INSYN2B: variants seen among roughly 807,000 people sequenced by gnomAD.
INSYN2B encodes the protein protein INSYN2B.
INSYN2B carries 16 observed loss-of-function variants against 41.2 expected under a neutral mutation model. The observed-to-expected ratio is 0.39, with a 90% CI of 0.26 to 0.59. The LOEUF is 0.59. Ranked by LOEUF, INSYN2B falls within the 20% of genes least tolerant of loss-of-function variation. The pLI is 0.57. For missense variants in INSYN2B, 608 were observed against 646.4 expected, an observed-to-expected ratio of 0.94 and a Z score of 0.64; for synonymous variants, 245 against 244.4, an observed-to-expected ratio of 1.00 and a Z score of -0.02.
intron 1 of INSYN2B, among the ~76,000 whole-genome samples, chr5:169,956,571 T>C (rs1182668004): frequency 6.6e-6 from 1 of 152,214 alleles, no homozygotes; most frequent in Non-Finnish European, 1.5e-5. Flanking sequence ...TTAGAAGCCT[T>C]AAGATGCTGG....
At position 169,902,471 on chromosome 5, in the gene INSYN2B, G is replaced by A. The variant is rs368751045; in HGVS notation, c.-918-17655C>T. Reference sequence around the variant, plus strand: ...CAGGGGTCATGCTCTTATCCACTACGTGATTCTGTAGCAAGAGGCCACAGG... The same window carrying A: ...CAGGGGTCATGCTCTTATCCACTACATGATTCTGTAGCAAGAGGCCACAGG... On this transcript the variant is annotated intron_variant, in intron 1 of 3. Transcript: ENST00000377365. 4.7e-4 allele frequency among the ~76,000 whole-genome samples: 71 copies of A among 152,314 alleles called. 1 individual carries two copies. The highest frequency in any genetic ancestry group is 1.6e-3 in the African/African-American group (66 of 41,574).
At position 169,935,138 on chromosome 5, in the gene INSYN2B, T is replaced by C. The variant is rs145185771; in HGVS notation, c.-919+45139A>G. On this transcript the variant is annotated intron_variant, in intron 1 of 3. Transcript: ENST00000377365. ...TTTGGATAGAAGGACTGGCCAGCACTGTGGAGAGCCCTCTTAATTGGAGGG... is the reference window on the plus strand; with the variant it reads ...TTTGGATAGAAGGACTGGCCAGCACCGTGGAGAGCCCTCTTAATTGGAGGG... Among the ~76,000 whole-genome samples, 190 of 152,314 alleles carry C rather than the reference T, an allele frequency of 1.2e-3. 1 individual carries two copies. The highest frequency in any genetic ancestry group is 6.8e-3 in the Middle Eastern group (2 of 294).
At chr5:169,958,585 C>CA (rs112769562) in intron 1 of INSYN2B, among the ~76,000 whole-genome samples, 2 of 150,986 alleles carry the variant, frequency 1.3e-5, no homozygotes, top group African/African-American at 4.9e-5. Flanking sequence ...TCCTGGGTTT[C>CA]TTTTTTTTTG....
At chr5:169,872,758 C>T (rs1303983697) in intron 3 of INSYN2B, among the ~76,000 whole-genome samples, 1 of 152,150 alleles carries the variant, frequency 6.6e-6, no homozygotes. Context: ...GGGGAAGGGA[C>T]AGGAAAGTCT....
intron 1 of INSYN2B, among the ~76,000 whole-genome samples, chr5:169,973,296 G>A (rs1416372909): frequency 1.3e-5 from 2 of 152,134 alleles, no homozygotes; most frequent in Non-Finnish European, 1.5e-5. Context: ...CCACAGGGGG[G>A]TTTAAATCAT....
intron 3 of INSYN2B, among the ~76,000 whole-genome samples, chr5:169,880,491 G>A (rs1467302749): frequency 6.6e-6 from 1 of 152,174 alleles, no homozygotes; most frequent in African/African-American, 2.4e-5. Flanking sequence ...GTTCACTTTG[G>A]TCAACAAAAT....
At chr5:169,880,737 T>C (rs954012524) in intron 3 of INSYN2B, among the ~76,000 whole-genome samples, 1 of 152,236 alleles carries the variant, frequency 6.6e-6, no homozygotes, top group African/African-American at 2.4e-5. Flanking sequence ...GAGCCCAGAT[T>C]AAGTTAGCTG....
intron 1 of INSYN2B, among the ~76,000 whole-genome samples, chr5:169,959,266 G>A (rs889449344): frequency 5.3e-5 from 8 of 151,940 alleles, no homozygotes; most frequent in South Asian, 2.1e-4. Context: ...GGTGGTGCAC[G>A]CCTGCAGTCC....
chr5:169,880,248 C>T (rs567852249), intron 3 of INSYN2B, among the ~76,000 whole-genome samples: 3 of 152,298 alleles, frequency 2.0e-5, no homozygotes, highest in African/African-American at 7.2e-5. Context: ...GGTGGTTCCT[C>T]TTTGTAAGGA....
intron 1 of INSYN2B, among the ~76,000 whole-genome samples, chr5:169,950,451 T>TTCTTGAGA (rs146938278): frequency 8.7e-4 from 132 of 152,322 alleles, no homozygotes; most frequent in Non-Finnish European, 1.3e-3. Context: ...AAGACAAACC[T>TTCTTGAGA]AGGTAAACAG....
chr5:169,932,336 G>T (rs1038939238), intron 1 of INSYN2B, among the ~76,000 whole-genome samples: 2 of 152,146 alleles, frequency 1.3e-5, no homozygotes, highest in African/African-American at 4.8e-5. Context: ...GGTAGGAAGT[G>T]GTTGGAACTA....
chr5:169,957,985 C>A (rs1415583294), intron 1 of INSYN2B, among the ~76,000 whole-genome samples: 1 of 152,196 alleles, frequency 6.6e-6, no homozygotes, highest in Non-Finnish European at 1.5e-5. Context: ...ACCAGCTCAC[C>A]TTGACTGAGA....
At chr5:169,941,167 C>T (rs750245809) in intron 1 of INSYN2B, among the ~76,000 whole-genome samples, 1 of 152,106 alleles carries the variant, frequency 6.6e-6, no homozygotes, top group Non-Finnish European at 1.5e-5. Context: ...GATCCCTTGT[C>T]TGTGAGCTCC....
chr5:169,918,357 C>T (rs755460910), intron 1 of INSYN2B, among the ~76,000 whole-genome samples: 5 of 152,128 alleles, frequency 3.3e-5, no homozygotes, highest in African/African-American at 9.7e-5. Context: ...CAGTATCTAA[C>T]CTAGAAAATT....
intron 3 of INSYN2B, among the ~76,000 whole-genome samples, chr5:169,869,570 G>A (rs899716699): frequency 2.6e-5 from 4 of 152,068 alleles, no homozygotes; most frequent in African/African-American, 7.3e-5. Context: ...CCTTATAAAT[G>A]GGGAGGGACA....
At chr5:169,940,439 A>G (rs1776194400) in intron 1 of INSYN2B, among the ~76,000 whole-genome samples, 1 of 152,202 alleles carries the variant, frequency 6.6e-6, no homozygotes, top group African/African-American at 2.4e-5. Context: ...GACCGGGAGG[A>G]GGATTCAAGC....
At chr5:169,970,943 G>C (rs576168839) in intron 1 of INSYN2B, among the ~76,000 whole-genome samples, 45 of 152,188 alleles carry the variant, frequency 3.0e-4, no homozygotes, top group African/African-American at 8.7e-4. Context: ...TCAAAGGCAG[G>C]GGTTTTGCAG....
chr5:169,892,742 T>A (rs1361995224), intron 1 of INSYN2B, among the ~76,000 whole-genome samples: 1 of 152,192 alleles, frequency 6.6e-6, no homozygotes, highest in African/African-American at 2.4e-5. Context: ...TAATAAAATG[T>A]TTCAGGTGTG....
intron 1 of INSYN2B, among the ~76,000 whole-genome samples, chr5:169,976,287 C>G (rs1279774179): frequency 6.6e-6 from 1 of 152,116 alleles, no homozygotes; most frequent in Non-Finnish European, 1.5e-5. Flanking sequence ...GTCGGAAAGG[C>G]CTAAATTTTA....
Sources: gnomAD v4.1 joint callset for allele counts (sites outside exome capture counted in the v4.1 genomes callset) on GRCh38, gnomAD v4.1.1 for gene constraint, MANE v1.5 for transcripts, NCBI Gene and HGNC (gene_info 2026-07-23, HGNC 2026-07-21) for gene names.